Variants in CYTH3 observed in about 807,000 individuals in gnomAD.
CYTH3 encodes cytohesin-3.
CYTH3 carries 23 observed loss-of-function variants against 55.1 expected under a neutral mutation model. The ratio of observed to expected loss-of-function variants is 0.42; its 90% CI spans 0.30 to 0.59. The LOEUF is 0.59. CYTH3 is among the 20% of genes least tolerant of loss of function. The probability of loss-of-function intolerance (pLI) is 0.20; values close to 1 mark genes in which losing one functional copy is unlikely to be tolerated. For synonymous variants in CYTH3, 249 were observed against 194.9 expected (o/e 1.28, Z -2.31); for missense variants, 413 against 524.8 (o/e 0.79, Z 2.08).
At position 6,253,845 on chromosome 7, in the gene CYTH3, A is replaced by T. The variant is rs2115050976; in HGVS notation, c.34+18629T>A. Among the ~76,000 whole-genome samples, 3 of 146,942 alleles carry T rather than the reference A, an allele frequency of 2.0e-5. No individual in the cohort carries two copies. The South Asian group carries it at 6.5e-4, about 32-fold the overall frequency. On this transcript the variant is annotated intron_variant, in intron 1 of 12. Transcript: ENST00000350796. ...ATAAAAATAAATAAATAAACAAAAG[A>T]GGCCAGGTGCAGTGGCAGGCACCTG...
chr7:6,170,303 G>C lies in CYTH3; in HGVS notation c.823+232C>G. On this transcript the variant is annotated intron_variant, in intron 9 of 12. Coordinates refer to ENST00000350796, the MANE Select transcript of CYTH3 (RefSeq NM_004227.4). The surrounding 1 kb of genome is among the most constrained non-coding windows in gnomAD (Gnocchi z 7.8). ...CTAACTCAGCAGTTTTCTGGGACGG[G>C]CCGTGCAGCCTGGGCGCTACTCTCT... is the stretch of plus-strand genomic sequence containing the variant. The C allele has an allele frequency of 1.9e-6, 1 of 535,182 alleles. No homozygotes were observed. The highest frequency in any genetic ancestry group is 2.5e-5 in the South Asian group (1 of 39,572). 33.2% of individuals were successfully genotyped at this position (535,182 alleles called of 1,614,324 possible). A position where few individuals can be genotyped will look rare whatever the true frequency, so the allele number is the denominator to read the frequency against.
At chr7:6,194,700 G>A (rs1366009815) in intron 1 of CYTH3, among the ~76,000 whole-genome samples, 7 of 150,724 alleles carry the variant, frequency 4.6e-5, no homozygotes, top group Non-Finnish European at 8.9e-5. Flanking sequence ...TAAATAGGCC[G>A]GGCACGTGGC....
intron 1 of CYTH3, among the ~76,000 whole-genome samples, chr7:6,231,647 C>T (rs759828549): frequency 5.9e-5 from 9 of 152,232 alleles, no homozygotes; most frequent in Non-Finnish European, 1.0e-4. Flanking sequence ...AAATATGAGT[C>T]TTTGGCCATA....
At chr7:6,252,671 TC>T (rs1780004354) in intron 1 of CYTH3, among the ~76,000 whole-genome samples, 1 of 152,174 alleles carries the variant, frequency 6.6e-6, no homozygotes, top group Non-Finnish European at 1.5e-5. Flanking sequence ...CAGTTAAAGC[TC>T]TTTTTTTAAA....
intron 6 of CYTH3, chr7:6,172,628 G>C (rs906297188): frequency 3.5e-6 from 3 of 866,364 alleles, no homozygotes; most frequent in Admixed American, 5.5e-5. Flanking sequence ...CCACGGCTGT[G>C]GGAATTAATA....
chr7:6,187,826 C>T (rs1783693041), intron 2 of CYTH3, 105 bp from the exon 3 acceptor site: 7 of 899,506 alleles, frequency 7.8e-6, no homozygotes, highest in East Asian at 2.4e-5. Flanking sequence ...GCGGTCTCAC[C>T]GGAGCATCAC....
intron 1 of CYTH3, among the ~76,000 whole-genome samples, chr7:6,228,534 C>G (rs183328821): frequency 3.1e-4 from 47 of 152,206 alleles, no homozygotes; most frequent in African/African-American, 1.1e-3. Context: ...AGGCTGGAAG[C>G]AAAGAAACTC....
chr7:6,164,138 GCCC>G lies in CYTH3; in HGVS notation c.*803_*805del, dbSNP rs1379659706. 6.6e-6 allele frequency: 1 copy of G among 152,354 alleles called. No individual in the cohort carries two copies. The highest frequency in any genetic ancestry group is 1.9e-4 in the East Asian group (1 of 5,182). 9.4% of individuals were successfully genotyped at this position (152,354 alleles called of 1,614,324 possible). A position where few individuals can be genotyped will look rare whatever the true frequency, so the allele number is the denominator to read the frequency against. ...GAGGCCTCATGGGAGTCACCCTGGAGCCCCCAAGTGCCATGGCCGTCCCTCCCC... is the reference window on the plus strand; with the variant it reads ...GAGGCCTCATGGGAGTCACCCTGGAGCCAAGTGCCATGGCCGTCCCTCCCC... On this transcript the variant is annotated 3_prime_UTR_variant, in exon 13 of 13. Transcript: ENST00000350796.
intron 12 of CYTH3, 47 bp from the exon 13 acceptor site, chr7:6,165,063 A>G: frequency 6.2e-7 from 1 of 1,607,914 alleles, no homozygotes; most frequent in Non-Finnish European, 8.5e-7. Context: ...GGTGACACAC[A>G]GACCTCCCCT....
chr7:6,271,716 G>T (rs1021861338), intron 1 of CYTH3, among the ~76,000 whole-genome samples: 1 of 152,048 alleles, frequency 6.6e-6, no homozygotes, highest in African/African-American at 2.4e-5. Flanking sequence ...AGACCACCTG[G>T]GCCACGACGC....
At chr7:6,271,580 T>C (rs1005878929) in intron 1 of CYTH3, among the ~76,000 whole-genome samples, 3 of 152,144 alleles carry the variant, frequency 2.0e-5, no homozygotes, top group African/African-American at 7.2e-5. Flanking sequence ...ACCCACTCCA[T>C]ACAGAGGCAC....
intron 1 of CYTH3, among the ~76,000 whole-genome samples, chr7:6,203,843 C>A (rs1053511104): frequency 6.6e-6 from 1 of 151,974 alleles, no homozygotes; most frequent in Non-Finnish European, 1.5e-5. Flanking sequence ...CTCAGCCTCC[C>A]GAGTAGCTGG....
chr7:6,212,134 A>G (rs781139017), intron 1 of CYTH3, among the ~76,000 whole-genome samples: 12 of 151,874 alleles, frequency 7.9e-5, no homozygotes, highest in African/African-American at 2.4e-5. Context: ...CATGAGTTCA[A>G]TTTCAACCAT....
intron 2 of CYTH3, among the ~76,000 whole-genome samples, 155 bp from the exon 3 acceptor site, chr7:6,187,876 G>C (rs1783694358): frequency 6.6e-6 from 1 of 152,114 alleles, no homozygotes; most frequent in African/African-American, 2.4e-5. Flanking sequence ...TACAGCTAGA[G>C]CTTCATAGTC....
intron 1 of CYTH3, among the ~76,000 whole-genome samples, chr7:6,203,950 C>A (rs1278734113): frequency 6.6e-6 from 1 of 151,828 alleles, no homozygotes; most frequent in Non-Finnish European, 1.5e-5. Flanking sequence ...ATCTCCTGAC[C>A]TCGTGATCCA....
intron 1 of CYTH3, among the ~76,000 whole-genome samples, chr7:6,264,252 G>GCA (rs1780427234): frequency 6.8e-6 from 1 of 146,970 alleles, no homozygotes; most frequent in Non-Finnish European, 1.5e-5. Flanking sequence ...CGTCTCAAAA[G>GCA]AAAAAAAAAC....
chr7:6,247,265 G>C (rs552910057), intron 1 of CYTH3, among the ~76,000 whole-genome samples: 1 of 152,178 alleles, frequency 6.6e-6, no homozygotes, highest in Non-Finnish European at 1.5e-5. Flanking sequence ...TTCTGGCAAT[G>C]TTATAGAAAA....
chr7:6,207,225 C>G (rs867066841), intron 1 of CYTH3, among the ~76,000 whole-genome samples: 3 of 150,638 alleles, frequency 2.0e-5, no homozygotes, highest in African/African-American at 7.3e-5. Context: ...CTCCCGAGTA[C>G]CTGGGACTAC....
At chr7:6,229,749 G>C (rs986670367) in intron 1 of CYTH3, among the ~76,000 whole-genome samples, 2 of 151,552 alleles carry the variant, frequency 1.3e-5, no homozygotes, top group Non-Finnish European at 2.9e-5. Flanking sequence ...CCCGGGAGGC[G>C]GAGTTTGCCA....
Sources: allele counts gnomAD v4.1 joint callset (sites outside exome capture counted in the v4.1 genomes callset), GRCh38; gene constraint gnomAD v4.1.1; non-coding constraint Gnocchi (gnomAD v3.1); transcripts MANE v1.5; gene names NCBI Gene and HGNC (gene_info 2026-07-23, HGNC 2026-07-21).